Variants in HDAC9 observed in about 807,000 individuals in gnomAD.
HDAC9 encodes MEF-2 interacting transcription repressor (MITR) protein.
HDAC9 carries 41 observed loss-of-function variants against 139.4 expected under a neutral mutation model. The observed-to-expected ratio is 0.29, with a 90% CI of 0.23 to 0.38. The LOEUF is 0.38. Among genes scored for constraint, HDAC9 ranks in the 10% least tolerant of loss-of-function variants. The pLI is 1.00. For synonymous variants in HDAC9, 517 were observed against 476.2 expected, an observed-to-expected ratio of 1.09 and a Z score of -1.12; for missense variants, 1,147 against 1,297.0, an observed-to-expected ratio of 0.88 and a Z score of 1.78.
At chr7:18,707,605 C>T (rs1201169287) in intron 12 of HDAC9, among the ~76,000 whole-genome samples, 1 of 152,124 alleles carries the variant, frequency 6.6e-6, no homozygotes, top group Non-Finnish European at 1.5e-5. Flanking sequence ...ATGACACCTG[C>T]TCTTTTTTTA....
chr7:18,804,396 C>G (rs1307380721), intron 17 of HDAC9, among the ~76,000 whole-genome samples: 1 of 152,106 alleles, frequency 6.6e-6, no homozygotes, highest in Non-Finnish European at 1.5e-5. Context: ...CACAAACACG[C>G]TGTGGTTCAT....
intron 2 of HDAC9, among the ~76,000 whole-genome samples, chr7:18,224,879 C>T (rs2128178647): frequency 6.6e-6 from 1 of 151,932 alleles, no homozygotes; most frequent in Non-Finnish European, 1.5e-5. Flanking sequence ...TTGAACCTTC[C>T]CTTTGTCCCC....
chr7:18,822,619 C>A (rs1340848725), intron 17 of HDAC9, among the ~76,000 whole-genome samples: 1 of 151,934 alleles, frequency 6.6e-6, no homozygotes, highest in Non-Finnish European at 1.5e-5. Flanking sequence ...TCCCAAAATG[C>A]TGGGATTACA....
At chr7:18,558,873 A>C (rs1469045620) in intron 2 of HDAC9, among the ~76,000 whole-genome samples, 1 of 152,230 alleles carries the variant, frequency 6.6e-6, no homozygotes, top group Non-Finnish European at 1.5e-5. Flanking sequence ...GAAACAGAAA[A>C]GAATGGCATG....
chr7:18,752,854 C>G (rs1788567103), intron 14 of HDAC9, among the ~76,000 whole-genome samples: 1 of 152,082 alleles, frequency 6.6e-6, no homozygotes, highest in Non-Finnish European at 1.5e-5. Flanking sequence ...AGAAGGGTAT[C>G]TTGAATGTTG....
At chr7:18,732,394 A>G (rs1007143240) in intron 13 of HDAC9, among the ~76,000 whole-genome samples, 6 of 150,858 alleles carry the variant, frequency 4.0e-5, no homozygotes, top group African/African-American at 1.5e-4. Context: ...AAGAAAAGTG[A>G]TTTGTATTTG....
chr7:18,143,930 A>G (rs1478734194), intron 1 of HDAC9, among the ~76,000 whole-genome samples: 1 of 152,156 alleles, frequency 6.6e-6, no homozygotes, highest in Admixed American at 6.5e-5. Flanking sequence ...TAGAAGAAGA[A>G]AAAAAGCCTA....
At chr7:18,390,667 A>G (rs1050863864) in intron 1 of HDAC9, among the ~76,000 whole-genome samples, 2 of 152,220 alleles carry the variant, frequency 1.3e-5, no homozygotes, top group Admixed American at 6.5e-5. Context: ...TCCAGCAGCC[A>G]GAAGTCTTCA....
chr7:18,448,661 T>C (rs539874009), intron 1 of HDAC9, among the ~76,000 whole-genome samples: 7 of 152,296 alleles, frequency 4.6e-5, no homozygotes, highest in African/African-American at 1.7e-4. Flanking sequence ...CAATTTCCTA[T>C]TCATTTCTGA....
chr7:18,781,256 A>G (rs1791224755), intron 16 of HDAC9, among the ~76,000 whole-genome samples: 1 of 152,058 alleles, frequency 6.6e-6, no homozygotes, highest in African/African-American at 2.4e-5. Context: ...TAGGACTTCA[A>G]TATGCGAATT....
At chr7:18,265,183 A>C (rs2128209359) in intron 2 of HDAC9, among the ~76,000 whole-genome samples, 1 of 152,342 alleles carries the variant, frequency 6.6e-6, no homozygotes, top group South Asian at 2.1e-4. Context: ...GCAATAATTT[A>C]GAGAAAACCT....
chr7:18,767,596 T>C (rs2519738), intron 16 of HDAC9, among the ~76,000 whole-genome samples: 3,976 of 152,290 alleles, frequency 0.026, 161 homozygotes, highest in African/African-American at 0.092. Context: ...CAAAGTGCTT[T>C]GCATTATGGG....
chr7:18,513,986 A>G (rs1041044651), intron 2 of HDAC9, among the ~76,000 whole-genome samples: 1 of 152,186 alleles, frequency 6.6e-6, no homozygotes, highest in Admixed American at 6.5e-5. Flanking sequence ...AGCTTATGCC[A>G]TGTCTGACTT....
At chr7:18,830,449 GT>G (rs201319247) in intron 19 of HDAC9, among the ~76,000 whole-genome samples, 13 of 151,384 alleles carry the variant, frequency 8.6e-5, no homozygotes, top group African/African-American at 2.9e-4. Context: ...TATGCTAAAG[GT>G]TTTTTTTTGA....
chr7:18,947,095 A>G (rs1040593502), intron 23 of HDAC9, among the ~76,000 whole-genome samples: 5 of 152,028 alleles, frequency 3.3e-5, no homozygotes, highest in African/African-American at 1.2e-4. Context: ...ATGAAAATAT[A>G]ACATGTGAAA....
intron 17 of HDAC9, among the ~76,000 whole-genome samples, chr7:18,827,120 T>A (rs1383666028): frequency 6.6e-6 from 1 of 151,554 alleles, no homozygotes; most frequent in African/African-American, 2.4e-5. Context: ...AATTATAAAT[T>A]AAAAATAAAA....
At chr7:18,965,794 CA>C (rs1783805222) in intron 24 of HDAC9, among the ~76,000 whole-genome samples, 1 of 152,154 alleles carries the variant, frequency 6.6e-6, no homozygotes, top group Non-Finnish European at 1.5e-5. Context: ...AATCATAGAG[CA>C]AAAACTCTCC....
At chr7:18,924,045 A>G (rs1803993258) in intron 22 of HDAC9, among the ~76,000 whole-genome samples, 1 of 151,754 alleles carries the variant, frequency 6.6e-6, no homozygotes, top group South Asian at 2.1e-4. Flanking sequence ...GAATCATGGC[A>G]TTTGTAAAAA....
In HDAC9 at chr7:18,727,767, C is replaced by T. The variant is rs779071789; in HGVS notation, c.1909+10C>T. ...CCTGGCTCTGCAACTGGTAGGAATC[C>T]CTAAAGACTCTCTCTAATAGGCAGG... On this transcript the variant is annotated intron_variant, in intron 13 of 25. Transcript: ENST00000686413. The T allele has an allele frequency of 2.7e-6, 4 of 1,497,786 alleles. No homozygotes were observed. The highest frequency in any genetic ancestry group is 3.5e-6 in the Non-Finnish European group (4 of 1,129,968). 92.8% of individuals were successfully genotyped at this position (1,497,786 alleles called of 1,614,324 possible). A position where few individuals can be genotyped will look rare whatever the true frequency, so the allele number is the denominator to read the frequency against.
Sources: gnomAD v4.1 joint callset for allele counts (sites outside exome capture counted in the v4.1 genomes callset) on GRCh38, gnomAD v4.1.1 for gene constraint, MANE v1.5 for transcripts, NCBI Gene and HGNC (gene_info 2026-07-23, HGNC 2026-07-21) for gene names.